Variants in VWA7 observed in about 807,000 individuals in gnomAD.
VWA7 encodes the protein von Willebrand factor A domain containing 7.
Under a neutral mutation model 83.1 loss-of-function variants are expected in VWA7, and 66 were observed. The ratio of observed to expected loss-of-function variants is 0.79; its 90% CI spans 0.65 to 0.98. The LOEUF (loss-of-function observed/expected upper bound fraction) is 0.98, where lower values mean the gene tolerates loss of function less well. Ranked by LOEUF, VWA7 falls within the 50% of genes least tolerant of loss-of-function variation. The probability of loss-of-function intolerance (pLI) is 0.00; values close to 1 mark genes in which losing one functional copy is unlikely to be tolerated. For synonymous variants in VWA7, 424 were observed against 488.5 expected (o/e 0.87, Z 1.74); for missense variants, 1,080 against 1,160.2 (o/e 0.93, Z 1.00).
In VWA7 at chr6:31,773,700, A is replaced by T. The variant is rs1812419745; in HGVS notation, c.722-263T>A. ...TGTTTCTACTAAAACTATAAAAATT[A>T]GCCAGGTGTGGTGGCGCGTGCTTGT... On this transcript the variant is annotated intron_variant, in intron 5 of 16. Coordinates refer to ENST00000375688, the MANE Select transcript of VWA7 (RefSeq NM_025258.3). This position sits in a 1 kb window ranked among gnomAD's most constrained non-coding sequence, Gnocchi z 5.3. Among the ~76,000 whole-genome samples, 1 of 152,044 alleles carries T rather than the reference A, an allele frequency of 6.6e-6. No individual in the cohort carries two copies. Among genetic ancestry groups the T allele is most frequent in the South Asian group, 2.1e-4 (1 of 4,830 alleles).
In VWA7 at chr6:31,776,309, T is replaced by C; in HGVS notation, c.235-67A>G. 1.3e-6 allele frequency: 2 copies of C among 1,557,330 alleles called. No homozygotes were observed. The highest frequency in any genetic ancestry group is 1.7e-6 in the Non-Finnish European group (2 of 1,151,402). ...TGGATTGACTGTTGCCCACCTTATC[T>C]CAGCAACTGACACTCAAGGCTGGGT... On this transcript the variant is annotated intron_variant, in intron 2 of 16. Transcript: ENST00000375688. The surrounding 1 kb of genome is among the most constrained non-coding windows in gnomAD (Gnocchi z 6.2).
chr6:31,766,409 A>AG lies in VWA7; in HGVS notation c.2185-26dup. The AG allele has an allele frequency of 6.3e-7, 1 of 1,583,118 alleles. No homozygotes were observed. On this transcript the variant is annotated intron_variant, in intron 14 of 16. Coordinates refer to ENST00000375688, the MANE Select transcript of VWA7 (RefSeq NM_025258.3). This position sits in a 1 kb window ranked among gnomAD's most constrained non-coding sequence, Gnocchi z 4.9. Reference sequence around the variant, plus strand: ...GCTGCAGAGAAGGGTTCTTCAGGGAAGGGGCCGCTCTAACTCTCTCCAGCC... The same window carrying AG: ...GCTGCAGAGAAGGGTTCTTCAGGGAAGGGGGCCGCTCTAACTCTCTCCAGCC...
Position 31,776,811 on chromosome 6 carries a change from T to G in VWA7, c.-15-17A>C. 1.5e-6 allele frequency: 2 copies of G among 1,304,810 alleles called. No individual in the cohort carries two copies. Among genetic ancestry groups the G allele is most frequent in the African/African-American group, 1.5e-5 (1 of 65,144 alleles). The allele number at this position is 1,304,810 out of a possible 1,614,324, so 80.8% of individuals were successfully genotyped here. A position where few individuals can be genotyped will look rare whatever the true frequency, so the allele number is the denominator to read the frequency against. On this transcript the variant is annotated splice_polypyrimidine_tract_variant and intron_variant, in intron 1 of 16. Coordinates refer to ENST00000375688, the MANE Select transcript of VWA7 (RefSeq NM_025258.3). This position sits in a 1 kb window ranked among gnomAD's most constrained non-coding sequence, Gnocchi z 6.2. ...GACATGGACCTGGGAGACAGAAGGCTCTCAAGGGAGGAGGAAGCAGCCGCG... is the reference window on the plus strand; with the variant it reads ...GACATGGACCTGGGAGACAGAAGGCGCTCAAGGGAGGAGGAAGCAGCCGCG...
Position 31,767,772 on chromosome 6 carries a change from A to G in VWA7, c.1504-18T>C. 1 of 1,592,146 alleles carries G rather than the reference A, an allele frequency of 6.3e-7. No homozygotes were observed. The highest frequency in any genetic ancestry group is 8.6e-7 in the Non-Finnish European group (1 of 1,162,416). On this transcript the variant is annotated intron_variant, in intron 10 of 16. Transcript: ENST00000375688. ...AGAGTCACCTTGAGGGATTGGCAGG[A>G]CCAGAAAATGGGGAAGAAGATGAGG...
At position 31,765,939 on chromosome 6, in the gene VWA7, G is replaced by T. The variant is rs1562261783; in HGVS notation, c.2443C>A (p.Pro815Thr). Residue 815 changes from proline to threonine, a missense_variant, in exon 16 of 17, where the codon CCA becomes ACA. Transcript: ENST00000375688. ...AGGAAAGCATGAGTCGGGGGTACTG[G>T]GTTGGCTTCTCGTCCCCCTGCAGTC... ...TVTAGGREANPVPPTHAFLRL... is the reference protein window; with the variant it reads ...TVTAGGREANTVPPTHAFLRL... 2 of 1,612,984 alleles carry T rather than the reference G, an allele frequency of 1.2e-6. No individual in the cohort carries two copies. The highest frequency in any genetic ancestry group is 1.7e-6 in the Non-Finnish European group (2 of 1,180,050).
At position 31,767,270 on chromosome 6, in the gene VWA7, G is replaced by A. The variant is rs1272715334; in HGVS notation, c.1790-20C>T. Reference sequence around the variant, plus strand: ...TCTGGGCTGGGAAAGGGCAAAGGCAGTCAGAGCCCTTCCTGAAAGGAATGT... The same window carrying A: ...TCTGGGCTGGGAAAGGGCAAAGGCAATCAGAGCCCTTCCTGAAAGGAATGT... On this transcript the variant is annotated intron_variant, in intron 12 of 16. Coordinates refer to ENST00000375688, the MANE Select transcript of VWA7 (RefSeq NM_025258.3). The A allele has an allele frequency of 6.2e-7, 1 of 1,612,198 alleles. No individual in the cohort carries two copies. Among genetic ancestry groups the A allele is most frequent in the South Asian group, 1.1e-5 (1 of 90,896 alleles).
At chr6:31,772,881 G>A (rs960150031) in intron 7 of VWA7, 73 bp downstream of exon 7, 4 of 1,532,524 alleles carry the variant, frequency 2.6e-6, no homozygotes, top group African/African-American at 1.4e-5. Flanking sequence ...TTACAGGCGT[G>A]AGCCACCACG....
chr6:31,775,619 T>C lies in VWA7; in HGVS notation c.514-190A>G, dbSNP rs567510201. Among the ~76,000 whole-genome samples, 13 of 150,828 alleles carry C rather than the reference T, an allele frequency of 8.6e-5. No homozygotes were observed. Among genetic ancestry groups the C allele is most frequent in the Non-Finnish European group, 1.5e-4 (10 of 67,762 alleles). On this transcript the variant is annotated intron_variant, in intron 3 of 16. Transcript: ENST00000375688. The surrounding 1 kb of genome is among the most constrained non-coding windows in gnomAD (Gnocchi z 5.9). ...TGCTCAGAGCAGAGCTTTGCCCAGG[T>C]GGAAACTGTCCCAGCATCTCTTCCC...
At chr6:31,770,571 CAAAA>C (rs9281576) in intron 7 of VWA7, among the ~76,000 whole-genome samples, 1 of 82,308 alleles carries the variant, frequency 1.2e-5, no homozygotes, top group African/African-American at 5.5e-5. Context: ...GACTCCATCT[CAAAA>C]AAAAAAAAAA....
rs1212556954 is a variant in VWA7 at position 31,766,613 on chromosome 6, C to A, written c.2034G>T (p.Pro678=). 2 of 1,613,016 alleles carry A rather than the reference C, an allele frequency of 1.2e-6. No homozygotes were observed. The highest frequency in any genetic ancestry group is 1.7e-6 in the Non-Finnish European group (2 of 1,180,012). The change falls in exon 14 of 17, where the codon CCG becomes CCT. Residue 678 remains proline, a synonymous_variant. Coordinates refer to ENST00000375688, the MANE Select transcript of VWA7 (RefSeq NM_025258.3). This position sits in a 1 kb window ranked among gnomAD's most constrained non-coding sequence, Gnocchi z 4.9. ...GCGAGGCTGCGAGGAGACCTCGCTCCGGAGGTCCCACGGGCTCCAAGGGCA... is the reference window on the plus strand; with the variant it reads ...GCGAGGCTGCGAGGAGACCTCGCTCAGGAGGTCCCACGGGCTCCAAGGGCA... ...GQVPLEPVGP[P]ERGLLAASLS...
At chr6:31,772,517 G>A (rs1305055042) in intron 7 of VWA7, among the ~76,000 whole-genome samples, 2 of 146,888 alleles carry the variant, frequency 1.4e-5, no homozygotes, top group Non-Finnish European at 3.0e-5. Flanking sequence ...GCCACCCCGA[G>A]CCCACTTCCT....
Position 31,776,820 on chromosome 6 carries a change from A to T in VWA7, c.-15-26T>A. On this transcript the variant is annotated intron_variant, in intron 1 of 16. Transcript: ENST00000375688. This position sits in a 1 kb window ranked among gnomAD's most constrained non-coding sequence, Gnocchi z 6.2. ...CTGGGAGACAGAAGGCTCTCAAGGG[A>T]GGAGGAAGCAGCCGCGATTCCAGGG... The T allele has an allele frequency of 7.9e-7, 1 of 1,270,018 alleles. No individual in the cohort carries two copies. The highest frequency in any genetic ancestry group is 1.0e-6 in the Non-Finnish European group (1 of 967,564). 78.7% of individuals were successfully genotyped at this position (1,270,018 alleles called of 1,614,324 possible). A position where few individuals can be genotyped will look rare whatever the true frequency, so the allele number is the denominator to read the frequency against.
chr6:31,772,389 C>G (rs1038101970), intron 7 of VWA7, among the ~76,000 whole-genome samples: 1 of 151,776 alleles, frequency 6.6e-6, no homozygotes, highest in African/African-American at 2.4e-5. Flanking sequence ...TGGGCTCAAA[C>G]GATCCACCCA....
At position 31,766,446 on chromosome 6, in the gene VWA7, T is replaced by C. The variant is rs777594518; in HGVS notation, c.2184+17A>G. On this transcript the variant is annotated intron_variant, in intron 14 of 16. Transcript: ENST00000375688. This position sits in a 1 kb window ranked among gnomAD's most constrained non-coding sequence, Gnocchi z 4.9. ...AACTCTCTCCAGCCCCAGCCGCACT[T>C]TCCCCTGGCGTCTCACCTCCAGAAG... 1 of 1,581,638 alleles carries C rather than the reference T, an allele frequency of 6.3e-7. No individual in the cohort carries two copies. Among genetic ancestry groups the C allele is most frequent in the South Asian group, 1.1e-5 (1 of 87,572 alleles).
In VWA7 at chr6:31,773,383, C is replaced by A. The variant is rs779954267; in HGVS notation, c.776G>T (p.Gly259Val). 6.2e-7 allele frequency: 1 copy of A among 1,606,666 alleles called. No individual in the cohort carries two copies. The highest frequency in any genetic ancestry group is 2.2e-5 in the East Asian group (1 of 44,728). ...GGATGTGCTGTCCTTGTTGATGCCT[C>A]CCCTCGGTGGCTGGGAGCTGCTCCG... ...FDRSSSQPPR[G>V]GINKDSTSPG... Residue 259 changes from glycine to valine, a missense_variant, in exon 6 of 17, where the codon GGA (glycine) becomes GTA (valine). Coordinates refer to ENST00000375688, the MANE Select transcript of VWA7 (RefSeq NM_025258.3). The surrounding 1 kb of genome is among the most constrained non-coding windows in gnomAD (Gnocchi z 5.3).
Position 31,766,846 on chromosome 6 carries a change from G to T in VWA7, c.1883-82C>A. 3 of 1,474,060 alleles carry T rather than the reference G, an allele frequency of 2.0e-6. No individual in the cohort carries two copies. Among genetic ancestry groups the T allele is most frequent in the Non-Finnish European group, 2.7e-6 (3 of 1,094,552 alleles). The allele number at this position is 1,474,060 out of a possible 1,614,324, so 91.3% of individuals were successfully genotyped here. On this transcript the variant is annotated intron_variant, in intron 13 of 16. Coordinates refer to ENST00000375688, the MANE Select transcript of VWA7 (RefSeq NM_025258.3). This position sits in a 1 kb window ranked among gnomAD's most constrained non-coding sequence, Gnocchi z 4.9. ...AGAATTAATGGCCTTCAAAATAGGG[G>T]TTCCCTCTGGGGAGTATGGATGGGA...
intron 7 of VWA7, among the ~76,000 whole-genome samples, chr6:31,772,579 C>CTTTTTTTTT (rs1330466630): frequency 1.4e-5 from 1 of 72,004 alleles, no homozygotes; most frequent in East Asian, 3.7e-4. Flanking sequence ...TTTTTTCTTT[C>CTTTTTTTTT]TTTTCTTTTT....
Position 31,774,681 on chromosome 6 carries a change from C to T in VWA7, c.611-55G>A. ...AGATTCTGCCACCCCCAGCCTTTAT[C>T]CCCACCCACCCAAACCTTTTCAGCT... is the stretch of plus-strand genomic sequence containing the variant. On this transcript the variant is annotated intron_variant, in intron 4 of 16. Transcript: ENST00000375688. The T allele has an allele frequency of 6.2e-6, 9 of 1,451,552 alleles. No individual in the cohort carries two copies. The South Asian group carries it at 8.6e-5, about 14-fold the overall frequency. 89.9% of individuals were successfully genotyped at this position (1,451,552 alleles called of 1,614,324 possible). A position where few individuals can be genotyped will look rare whatever the true frequency, so the allele number is the denominator to read the frequency against.
Position 31,775,216 on chromosome 6 carries a change from T to C in VWA7, c.610+117A>G. On this transcript the variant is annotated intron_variant, in intron 4 of 16. Transcript: ENST00000375688. The surrounding 1 kb of genome is among the most constrained non-coding windows in gnomAD (Gnocchi z 5.9). ...CGTTGCTTGGACTGGGGGACCTCAG[T>C]CCTTGTGGAGATTAAGTAACATCAT... is the stretch of plus-strand genomic sequence containing the variant. 1 of 892,084 alleles carries C rather than the reference T, an allele frequency of 1.1e-6. No individual in the cohort carries two copies. The allele number at this position is 892,084 out of a possible 1,614,324, so 55.3% of individuals were successfully genotyped here. A position where few individuals can be genotyped will look rare whatever the true frequency, so the allele number is the denominator to read the frequency against.
Sources: gnomAD v4.1 joint callset for allele counts (sites outside exome capture counted in the v4.1 genomes callset) on GRCh38, gnomAD v4.1.1 for gene constraint, Gnocchi (gnomAD v3.1) non-coding constraint, MANE v1.5 for transcripts, NCBI Gene and HGNC (gene_info 2026-07-23, HGNC 2026-07-21) for gene names.